The following SEMA6A variants were observed in gnomAD, a reference collection of about 807,000 sequenced individuals.
SEMA6A encodes semaphorin-6A.
A neutral mutation model predicts 96.8 loss-of-function variants in SEMA6A; 25 were observed. The observed-to-expected ratio is 0.26, with a 90% CI of 0.19 to 0.36. The LOEUF (loss-of-function observed/expected upper bound fraction) is 0.36, where lower values mean the gene tolerates loss of function less well. SEMA6A is among the 10% of genes least tolerant of loss of function. The probability of loss-of-function intolerance (pLI) is 1.00; values close to 1 mark genes in which losing one functional copy is unlikely to be tolerated. For synonymous variants in SEMA6A, 612 were observed against 518.0 expected (o/e 1.18, Z -2.46); for missense variants, 1,363 against 1,323.1 (o/e 1.03, Z -0.47).
chr5:116,524,604 TA>T (rs557950296), intron 1 of SEMA6A, among the ~76,000 whole-genome samples: 191 of 146,132 alleles, frequency 1.3e-3, no homozygotes, highest in Admixed American at 1.6e-3. Context: ...GTCAGACCTT[TA>T]AAAAAAAAAA....
chr5:116,446,285 T>A lies in SEMA6A; in HGVS notation c.*328A>T, dbSNP rs73781086. 12 of 158,404 alleles carry A rather than the reference T, an allele frequency of 7.6e-5. No homozygotes were observed. Among genetic ancestry groups the A allele is most frequent in the East Asian group, 5.8e-4 (5 of 8,620 alleles). The allele number at this position is 158,404 out of a possible 1,614,324, so 9.8% of individuals were successfully genotyped here. A position where few individuals can be genotyped will look rare whatever the true frequency, so the allele number is the denominator to read the frequency against. ...GTGCATGTGTGTGTGTGTGTGTGTG[T>A]GGGGGTGGGGGATGGGGTAGGTATG... On this transcript the variant is annotated 3_prime_UTR_variant, in exon 19 of 19. Coordinates refer to ENST00000343348, the MANE Select transcript of SEMA6A (RefSeq NM_020796.5).
intron 1 of SEMA6A, among the ~76,000 whole-genome samples, chr5:116,526,298 C>T (rs1759220673): frequency 6.6e-6 from 1 of 152,188 alleles, no homozygotes; most frequent in African/African-American, 2.4e-5. Context: ...CTTCAAACAT[C>T]ACCTTCTCTG....
At chr5:116,449,083 ACT>A (rs1754463514) in intron 18 of SEMA6A, among the ~76,000 whole-genome samples, 1 of 150,048 alleles carries the variant, frequency 6.7e-6, no homozygotes, top group South Asian at 2.1e-4. Flanking sequence ...CAGCTGAGTG[ACT>A]CTAATCAAAT....
At position 116,500,148 on chromosome 5, in the gene SEMA6A, C is replaced by G. The variant is rs1256302296; in HGVS notation, c.218+2062G>C. Among the ~76,000 whole-genome samples, 3 of 152,162 alleles carry G rather than the reference C, an allele frequency of 2.0e-5. No homozygotes were observed. The East Asian group carries it at 5.8e-4, about 29-fold the overall frequency. ...TTCTATCAGAGAGGTGACTACTGAG[C>G]ATCTTATGGAAATGCTTTATAATGG... On this transcript the variant is annotated intron_variant, in intron 3 of 18. Transcript: ENST00000343348.
chr5:116,475,443 A>G, intron 16 of SEMA6A, 102 bp downstream of exon 16: 1 of 701,766 alleles, frequency 1.4e-6, no homozygotes, highest in South Asian at 2.0e-5. Context: ...CGCATGCTTT[A>G]GTGTCAGCTG....
chr5:116,473,191 C>A, intron 16 of SEMA6A, 98 bp from the exon 17 acceptor site: 2 of 1,180,496 alleles, frequency 1.7e-6, no homozygotes, highest in Non-Finnish European at 2.5e-6. Context: ...ACTATGCCAG[C>A]GTATGGTCCC....
chr5:116,537,957 A>G (rs922110553), intron 1 of SEMA6A, among the ~76,000 whole-genome samples: 4 of 152,106 alleles, frequency 2.6e-5, no homozygotes, highest in African/African-American at 7.2e-5. Flanking sequence ...CGGGCGGATC[A>G]TGAGGTCAGG....
At chr5:116,526,066 A>G (rs920991181) in intron 1 of SEMA6A, among the ~76,000 whole-genome samples, 2 of 135,112 alleles carry the variant, frequency 1.5e-5, no homozygotes, top group African/African-American at 5.5e-5. Context: ...TCACTCTTCG[A>G]TTGACTTGGG....
rs59419584 is a variant in SEMA6A, at chr5:116,452,421, GTT to G, written c.1895-4612_1895-4611del. ...ACTGAGAAAGAATAGAATCTCCACT[GTT>G]TTTTTTTTTTTTTCCTGAGGTGAGA... is the stretch of plus-strand genomic sequence containing the variant. On this transcript the variant is annotated intron_variant, in intron 18 of 18. Transcript: ENST00000343348. Among the ~76,000 whole-genome samples, 363 of 140,972 alleles carry G rather than the reference GTT, an allele frequency of 2.6e-3. 2 individuals are homozygous for G. The highest frequency in any genetic ancestry group is 7.9e-3 in the African/African-American group (306 of 38,652). 92.5% of individuals were successfully genotyped at this position (140,972 alleles called of 152,430 possible).
intron 1 of SEMA6A, among the ~76,000 whole-genome samples, chr5:116,552,463 C>T (rs995981049): frequency 6.6e-6 from 1 of 152,166 alleles, no homozygotes; most frequent in Non-Finnish European, 1.5e-5. Context: ...AAACTTTACA[C>T]TAATTACCTG....
intron 1 of SEMA6A, among the ~76,000 whole-genome samples, chr5:116,519,752 A>G (rs1045840282): frequency 3.3e-5 from 5 of 152,152 alleles, no homozygotes; most frequent in African/African-American, 1.2e-4. Flanking sequence ...AGTTAAGAGG[A>G]CCAAGAGACG....
intron 18 of SEMA6A, among the ~76,000 whole-genome samples, chr5:116,454,135 A>C (rs183293923): frequency 2.0e-5 from 3 of 152,264 alleles, no homozygotes; most frequent in Admixed American, 2.0e-4. Flanking sequence ...ATCTGTGTAA[A>C]GTGGACCCGG....
chr5:116,514,984 C>T (rs1164327558), intron 1 of SEMA6A, among the ~76,000 whole-genome samples: 1 of 152,122 alleles, frequency 6.6e-6, no homozygotes. Flanking sequence ...CCAAGAATAC[C>T]ACCTGGAAAG....
intron 16 of SEMA6A, 118 bp from the exon 17 acceptor site, chr5:116,473,211 G>A: frequency 1.1e-6 from 1 of 947,150 alleles, no homozygotes; most frequent in South Asian, 1.6e-5. Flanking sequence ...CCGATACTAA[G>A]TAAGTGCTTT....
intron 18 of SEMA6A, among the ~76,000 whole-genome samples, chr5:116,459,859 G>T (rs1561469261): frequency 6.6e-6 from 1 of 152,024 alleles, no homozygotes; most frequent in Non-Finnish European, 1.5e-5. Context: ...ATTCAAATTA[G>T]TATCTTCTGT....
At chr5:116,476,469 T>C (rs1015282158) in intron 15 of SEMA6A, among the ~76,000 whole-genome samples, 1 of 152,194 alleles carries the variant, frequency 6.6e-6, no homozygotes, top group Non-Finnish European at 1.5e-5. Flanking sequence ...CTAATCTTTT[T>C]TGCCACATTA....
chr5:116,529,787 C>T (rs1185174301), intron 1 of SEMA6A, among the ~76,000 whole-genome samples: 15 of 152,144 alleles, frequency 9.9e-5, no homozygotes, highest in Admixed American at 9.8e-4. Flanking sequence ...AGGAGCCAGA[C>T]ACTGAGTACA....
chr5:116,465,726 C>G (rs1184993030), intron 18 of SEMA6A, among the ~76,000 whole-genome samples: 1 of 152,114 alleles, frequency 6.6e-6, no homozygotes, highest in Non-Finnish European at 1.5e-5. Context: ...AGAAAATTCA[C>G]GCTACCCCTC....
intron 12 of SEMA6A, among the ~76,000 whole-genome samples, chr5:116,479,589 C>T (rs1756645686): frequency 1.3e-5 from 2 of 152,278 alleles, no homozygotes; most frequent in South Asian, 2.1e-4. Flanking sequence ...TGAATAAATA[C>T]AAGGAAGAGT....
Sources: allele counts gnomAD v4.1 joint callset (sites outside exome capture counted in the v4.1 genomes callset), GRCh38; gene constraint gnomAD v4.1.1; transcripts MANE v1.5; gene names NCBI Gene and HGNC (gene_info 2026-07-23, HGNC 2026-07-21).